NEK10: variants seen among roughly 807,000 people sequenced by gnomAD.
The protein encoded by NEK10 is NIMA related kinase 10, also known as serine/threonine-protein kinase Nek10.
In NEK10, 122 loss-of-function variants were observed where a neutral mutation model predicts 159.8. That is an observed-to-expected ratio of 0.76 (90% CI 0.66 to 0.89). The LOEUF (loss-of-function observed/expected upper bound fraction) is 0.89. NEK10 is among the 40% of genes least tolerant of loss of function. The probability of loss-of-function intolerance (pLI) is 0.00; values close to 1 mark genes in which losing one functional copy is unlikely to be tolerated. For synonymous variants in NEK10, 466 were observed against 457.1 expected (o/e 1.02, Z -0.25); for missense variants, 1,342 against 1,323.1 (o/e 1.01, Z -0.22).
intron 23 of NEK10, among the ~76,000 whole-genome samples, chr3:27,229,244 C>T (rs1952971231): frequency 6.6e-6 from 1 of 152,132 alleles, no homozygotes; most frequent in Non-Finnish European, 1.5e-5. Flanking sequence ...AAGTCTACAA[C>T]TTAGGAACTC....
chr3:27,126,551 T>C (rs1941971227), intron 32 of NEK10, among the ~76,000 whole-genome samples: 1 of 152,128 alleles, frequency 6.6e-6, no homozygotes, highest in Admixed American at 6.6e-5. Context: ...CCACTCAAAG[T>C]GTGTCCCTGG....
intron 29 of NEK10, among the ~76,000 whole-genome samples, chr3:27,166,972 A>T (rs1183414231): frequency 2.0e-5 from 3 of 151,992 alleles, no homozygotes; most frequent in Non-Finnish European, 4.4e-5. Context: ...AAAAAAAAAG[A>T]TTTAGACTTA....
intron 32 of NEK10, among the ~76,000 whole-genome samples, chr3:27,128,512 T>C (rs895008915): frequency 6.6e-6 from 1 of 152,136 alleles, no homozygotes; most frequent in Admixed American, 6.6e-5. Flanking sequence ...CTCAATGATT[T>C]TGTTAACATG....
chr3:27,284,769 C>T lies in NEK10; in HGVS notation c.1912-65G>A, dbSNP rs552370691. ...ACATACATATAGCCAAAGATGACTA[C>T]TGCACGTCTTTAAGAAGCCAGCTCA... is the stretch of plus-strand genomic sequence containing the variant. On this transcript the variant is annotated intron_variant, in intron 21 of 35. Coordinates refer to ENST00000691995, the MANE Select transcript of NEK10 (RefSeq NM_001394966.1). 850 of 1,515,920 alleles carry T rather than the reference C, an allele frequency of 5.6e-4. 1 individual carries two copies. Among genetic ancestry groups the T allele is most frequent in the Non-Finnish European group, 7.4e-4 (810 of 1,093,216 alleles). 93.9% of individuals were successfully genotyped at this position (1,515,920 alleles called of 1,614,324 possible). A position where few individuals can be genotyped will look rare whatever the true frequency, so the allele number is the denominator to read the frequency against.
chr3:27,304,320 T>C lies in NEK10; in HGVS notation c.1028+427A>G, dbSNP rs1025719023. Among the ~76,000 whole-genome samples, 27 of 152,178 alleles carry C rather than the reference T, an allele frequency of 1.8e-4. 1 individual carries two copies. The highest frequency in any genetic ancestry group is 1.8e-3 in the Admixed American group (27 of 15,276). ...GGCTTTGTTTTCTCTTTATAGATAA[T>C]AACATATGTGCACACACAAACATTT... On this transcript the variant is annotated intron_variant, in intron 12 of 35. Transcript: ENST00000691995.
At chr3:27,194,985 C>A (rs111478598) in intron 25 of NEK10, among the ~76,000 whole-genome samples, 1,758 of 152,246 alleles carry the variant, frequency 0.012, 11 homozygotes, top group South Asian at 0.021. Flanking sequence ...CTAGGAAAGA[C>A]AAGTTTCAAT....
chr3:27,162,366 T>C, intron 30 of NEK10: 1 of 1,509,658 alleles, frequency 6.6e-7, no homozygotes, highest in Non-Finnish European at 8.8e-7. Flanking sequence ...GTATTAAAAT[T>C]ACCACCCAAG....
At position 27,192,235 on chromosome 3, in the gene NEK10, T is replaced by C; in HGVS notation, c.2299A>G (p.Thr767Ala). 6.2e-7 allele frequency: 1 copy of C among 1,612,890 alleles called. No individual in the cohort carries two copies. The highest frequency in any genetic ancestry group is 8.5e-7 in the Non-Finnish European group (1 of 1,178,984). Residue 767 changes from threonine to alanine, a missense_variant, in exon 26 of 36, where the codon ACT becomes GCT. Coordinates refer to ENST00000691995, the MANE Select transcript of NEK10 (RefSeq NM_001394966.1). ...TCTGGACGAGCTTCCGCATCAGGAG[T>C]GAGGCACCTAAGATAACATGAGATA... ...KVTDTISRCL[T>A]PDAEARPDIV...
rs962641888 is a variant in NEK10 at position 27,293,625 on chromosome 3, G to T, written c.1336C>A (p.Leu446Ile). ...GGTCTGTTTCTTTCCATACTGAAGA[G>T]AAATCTCAAGGCTCTGAAAGCATAA... is the stretch of plus-strand genomic sequence containing the variant. Reference protein sequence around the residue: ...QCYAFRALRFLFSMERNRPLF... With the variant: ...QCYAFRALRFIFSMERNRPLF... Residue 446 changes from leucine to isoleucine, a missense_variant, in exon 16 of 36, where the codon CTC (leucine) becomes ATC (isoleucine). Transcript: ENST00000691995. The T allele has an allele frequency of 1.9e-6, 3 of 1,579,186 alleles. No homozygotes were observed. In the African/African-American group the frequency reaches 4.0e-5, roughly 21 times the overall value.
At chr3:27,339,947 T>C (rs2047084956) in intron 5 of NEK10, among the ~76,000 whole-genome samples, 1 of 152,186 alleles carries the variant, frequency 6.6e-6, no homozygotes, top group African/African-American at 2.4e-5. Context: ...GAGGACAGCA[T>C]GGTAATTCCT....
chr3:27,234,026 A>T (rs1953620763), intron 23 of NEK10, among the ~76,000 whole-genome samples: 2 of 152,096 alleles, frequency 1.3e-5, no homozygotes, highest in Admixed American at 1.3e-4. Flanking sequence ...AAACAACATG[A>T]TTATTCTCAA....
rs751925947 is a variant in NEK10 at position 27,322,293 on chromosome 3, G to T, written c.363-32C>A. The T allele has an allele frequency of 3.8e-6, 5 of 1,312,124 alleles. No homozygotes were observed. In the Admixed American group the frequency reaches 6.0e-5, roughly 16 times the overall value. 81.3% of individuals were successfully genotyped at this position (1,312,124 alleles called of 1,614,324 possible). A position where few individuals can be genotyped will look rare whatever the true frequency, so the allele number is the denominator to read the frequency against. On this transcript the variant is annotated intron_variant, in intron 5 of 35. Transcript: ENST00000691995. ...GAAGAAAACAAGAGAACATGTTCAC[G>T]TTTAAAATCCCAGTGTGGCAATTCA...
intron 25 of NEK10, among the ~76,000 whole-genome samples, chr3:27,199,351 A>C (rs1949843151): frequency 1.3e-5 from 2 of 152,238 alleles, no homozygotes; most frequent in South Asian, 2.1e-4. Context: ...AACAAGCATG[A>C]AATAAAGCTC....
At chr3:27,222,709 T>TAATA (rs1952245693) in intron 23 of NEK10, among the ~76,000 whole-genome samples, 1 of 152,184 alleles carries the variant, frequency 6.6e-6, no homozygotes, top group African/African-American at 2.4e-5. Flanking sequence ...AAATATATTT[T>TAATA]GGTTAAACTG....
chr3:27,246,696 G>A (rs1053356766), intron 23 of NEK10, among the ~76,000 whole-genome samples: 2 of 151,202 alleles, frequency 1.3e-5, no homozygotes, highest in Non-Finnish European at 2.9e-5. Flanking sequence ...CCCAACCCCT[G>A]CCCACTACCC....
chr3:27,147,899 C>G (rs1432063640), intron 30 of NEK10, among the ~76,000 whole-genome samples: 1 of 152,190 alleles, frequency 6.6e-6, no homozygotes, highest in Non-Finnish European at 1.5e-5. Context: ...TCTTCAAATG[C>G]TCTTGAATCA....
At chr3:27,235,906 T>TA (rs548125196) in intron 23 of NEK10, among the ~76,000 whole-genome samples, 3 of 151,342 alleles carry the variant, frequency 2.0e-5, no homozygotes, top group Admixed American at 6.6e-5. Flanking sequence ...ATAGACTGGG[T>TA]AAAAAAAAGT....
At chr3:27,265,695 C>A (rs961143688) in intron 22 of NEK10, 1 of 151,974 alleles carries the variant, frequency 6.6e-6, no homozygotes, top group Admixed American at 6.6e-5. Context: ...TGGGTATCTT[C>A]CTTAGTGAAA....
chr3:27,287,658 T>A, intron 20 of NEK10, 40 bp downstream of exon 20: 1 of 1,546,526 alleles, frequency 6.5e-7, no homozygotes, highest in Non-Finnish European at 8.7e-7. Flanking sequence ...GTGACAAAAA[T>A]GTTTCCTTAT....
Sources: allele counts gnomAD v4.1 joint callset (sites outside exome capture counted in the v4.1 genomes callset), GRCh38; gene constraint gnomAD v4.1.1; transcripts MANE v1.5; gene names NCBI Gene and HGNC (gene_info 2026-07-23, HGNC 2026-07-21).